The following C8orf34 variants were observed in gnomAD, a reference collection of about 807,000 sequenced individuals.
The protein encoded by C8orf34 is chromosome 8 open reading frame 34.
C8orf34 carries 65 observed loss-of-function variants against 68.3 expected under a neutral mutation model. That is an observed-to-expected ratio of 0.95 (90% CI 0.78 to 1.17). C8orf34 has a LOEUF of 1.17. Among genes scored for constraint, C8orf34 ranks in the 50% most tolerant of loss-of-function variants. The pLI, the probability that C8orf34 is intolerant of heterozygous loss-of-function variation, is 0.00. For missense variants in C8orf34, 664 were observed against 655.4 expected, an observed-to-expected ratio of 1.01 and a Z score of -0.14; for synonymous variants, 244 against 241.2, an observed-to-expected ratio of 1.01 and a Z score of -0.11.
chr8:68,633,185 C>T (rs1818741379), intron 7 of C8orf34, among the ~76,000 whole-genome samples: 2 of 152,072 alleles, frequency 1.3e-5, no homozygotes, highest in Admixed American at 6.6e-5. Flanking sequence ...ACTGCAGCTG[C>T]TTGACAAATC....
intron 3 of C8orf34, among the ~76,000 whole-genome samples, chr8:68,453,117 A>G (rs944681650): frequency 2.0e-5 from 3 of 151,892 alleles, no homozygotes; most frequent in African/African-American, 7.3e-5. Context: ...CCATTCCATT[A>G]AGCTATATGT....
At chr8:68,803,716 G>A (rs563793175) in intron 12 of C8orf34, among the ~76,000 whole-genome samples, 259 of 152,088 alleles carry the variant, frequency 1.7e-3, no homozygotes, top group African/African-American at 4.8e-3. Context: ...AAGTAAATGC[G>A]TACATATAAG....
At chr8:68,728,687 G>C (rs1821900279) in intron 10 of C8orf34, among the ~76,000 whole-genome samples, 1 of 152,140 alleles carries the variant, frequency 6.6e-6, no homozygotes, top group Admixed American at 6.6e-5. Context: ...GATAGCATGG[G>C]AAAGACCAGC....
intron 1 of C8orf34, among the ~76,000 whole-genome samples, chr8:68,411,419 T>G (rs1477075438): frequency 6.6e-6 from 1 of 152,188 alleles, no homozygotes; most frequent in Non-Finnish European, 1.5e-5. Flanking sequence ...AATTAGATTT[T>G]ATTGAATGAT....
intron 6 of C8orf34, among the ~76,000 whole-genome samples, chr8:68,532,222 C>T (rs1367625906): frequency 6.6e-6 from 1 of 152,118 alleles, no homozygotes; most frequent in African/African-American, 2.4e-5. Flanking sequence ...ATGGACTATC[C>T]TCACGAGCTT....
chr8:68,589,945 G>C (rs1407200930), intron 7 of C8orf34, among the ~76,000 whole-genome samples: 1 of 146,626 alleles, frequency 6.8e-6, no homozygotes, highest in Non-Finnish European at 1.5e-5. Context: ...AAGGAAGGAA[G>C]GAGGAAAGGA....
chr8:68,705,588 C>T (rs1367638129), intron 8 of C8orf34, among the ~76,000 whole-genome samples: 1 of 152,056 alleles, frequency 6.6e-6, no homozygotes. Flanking sequence ...CAAATTAAAA[C>T]AGGTTGAGGA....
intron 3 of C8orf34, among the ~76,000 whole-genome samples, chr8:68,459,967 C>G (rs112328565): frequency 6.6e-6 from 1 of 152,082 alleles, no homozygotes; most frequent in Non-Finnish European, 1.5e-5. Flanking sequence ...GCACTATGCG[C>G]GAGCCGAAGC....
At chr8:68,602,306 C>T (rs566126857) in intron 7 of C8orf34, among the ~76,000 whole-genome samples, 1 of 152,120 alleles carries the variant, frequency 6.6e-6, no homozygotes, top group Non-Finnish European at 1.5e-5. Context: ...TTAGTCTATT[C>T]TCTCACTGCT....
chr8:68,699,253 A>G (rs1820920529), intron 8 of C8orf34, among the ~76,000 whole-genome samples: 1 of 151,946 alleles, frequency 6.6e-6, no homozygotes, highest in African/African-American at 2.4e-5. Context: ...GGCTCTAGGA[A>G]TAAAAGCAGG....
At chr8:68,794,500 T>C (rs1428225759) in intron 12 of C8orf34, among the ~76,000 whole-genome samples, 6 of 89,256 alleles carry the variant, frequency 6.7e-5, no homozygotes, top group African/African-American at 4.0e-4. Context: ...TATATATATA[T>C]ATATATTTTT....
At chr8:68,416,630 T>G (rs915221712) in intron 1 of C8orf34, among the ~76,000 whole-genome samples, 17 of 151,876 alleles carry the variant, frequency 1.1e-4, no homozygotes, top group African/African-American at 4.1e-4. Flanking sequence ...CTACCAGGTT[T>G]GAGTGATTCT....
At chr8:68,761,113 TC>T (rs1823012246) in intron 10 of C8orf34, among the ~76,000 whole-genome samples, 3 of 152,254 alleles carry the variant, frequency 2.0e-5, no homozygotes, top group African/African-American at 7.2e-5. Context: ...AGCAAGGCTA[TC>T]TGAATACTTT....
intron 7 of C8orf34, among the ~76,000 whole-genome samples, chr8:68,594,313 G>A (rs1349487701): frequency 6.6e-6 from 1 of 151,982 alleles, no homozygotes; most frequent in African/African-American, 2.4e-5. Flanking sequence ...TAAAGACAAG[G>A]TTAGATCCAT....
intron 10 of C8orf34, among the ~76,000 whole-genome samples, chr8:68,735,218 T>G (rs1431192519): frequency 6.6e-6 from 1 of 152,198 alleles, no homozygotes; most frequent in Non-Finnish European, 1.5e-5. Flanking sequence ...CCAGGGAGTA[T>G]GTACCTGGAC....
intron 1 of C8orf34, among the ~76,000 whole-genome samples, chr8:68,376,107 C>G (rs1250228735): frequency 6.6e-6 from 1 of 151,714 alleles, no homozygotes; most frequent in Non-Finnish European, 1.5e-5. Context: ...TTTGTATCTC[C>G]ATGGCCTAGA....
At chr8:68,578,631 C>A (rs1816974324) in intron 7 of C8orf34, among the ~76,000 whole-genome samples, 1 of 143,316 alleles carries the variant, frequency 7.0e-6, no homozygotes, top group Non-Finnish European at 1.5e-5. Context: ...TAGTTCATTG[C>A]AGATTAAATA....
chr8:68,775,080 A>AT (rs1467476536), intron 10 of C8orf34, among the ~76,000 whole-genome samples: 3 of 151,246 alleles, frequency 2.0e-5, no homozygotes, highest in Non-Finnish European at 4.4e-5. Context: ...GAAAAAAAAA[A>AT]AAAAAAGAAG....
intron 8 of C8orf34, among the ~76,000 whole-genome samples, chr8:68,667,340 C>A (rs2080790771): frequency 6.6e-6 from 1 of 152,070 alleles, no homozygotes; most frequent in African/African-American, 2.4e-5. Context: ...AATTAGGTAT[C>A]TTCTCTGATT....
Sources: allele counts gnomAD v4.1 joint callset (sites outside exome capture counted in the v4.1 genomes callset), GRCh38; gene constraint gnomAD v4.1.1; transcripts MANE v1.5; gene names NCBI Gene and HGNC (gene_info 2026-07-23, HGNC 2026-07-21).